Variants in CACNA2D1 observed in about 807,000 individuals in gnomAD.
CACNA2D1 encodes the protein voltage-dependent calcium channel subunit alpha-2/delta-1.
CACNA2D1 carries 53 observed loss-of-function variants against 171.5 expected under a neutral mutation model. The ratio of observed to expected loss-of-function variants is 0.31; its 90% CI spans 0.25 to 0.39. The LOEUF (loss-of-function observed/expected upper bound fraction) is 0.39. Ranked by LOEUF, CACNA2D1 falls within the 10% of genes least tolerant of loss-of-function variation. The probability of loss-of-function intolerance (pLI) is 1.00; values close to 1 mark genes in which losing one functional copy is unlikely to be tolerated. For missense variants in CACNA2D1, 903 were observed against 1,299.8 expected (o/e 0.69, Z 4.69); for synonymous variants, 442 against 443.1 (o/e 1.00, Z 0.03).
At chr7:82,096,621 A>G (rs1057045957) in intron 6 of CACNA2D1, among the ~76,000 whole-genome samples, 16 of 123,810 alleles carry the variant, frequency 1.3e-4, no homozygotes, top group African/African-American at 4.4e-4. Flanking sequence ...AAATACCTAG[A>G]TATCAACATG....
rs747929181 is a variant in CACNA2D1, at chr7:81,991,166, A to G, written c.1796+19T>C. ...TAATCCATTGGAATACACAATACACATAAAATACAGTTAATTACCTGTAAT... is the reference window on the plus strand; with the variant it reads ...TAATCCATTGGAATACACAATACACGTAAAATACAGTTAATTACCTGTAAT... On this transcript the variant is annotated intron_variant, in intron 21 of 38. Transcript: ENST00000356860. 7 of 1,228,976 alleles carry G rather than the reference A, an allele frequency of 5.7e-6. No individual in the cohort carries two copies. Among genetic ancestry groups the G allele is most frequent in the Non-Finnish European group, 7.2e-6 (6 of 828,794 alleles). The allele number at this position is 1,228,976 out of a possible 1,614,324, so 76.1% of individuals were successfully genotyped here. A position where few individuals can be genotyped will look rare whatever the true frequency, so the allele number is the denominator to read the frequency against.
intron 12 of CACNA2D1, among the ~76,000 whole-genome samples, chr7:82,025,972 G>A (rs37149): frequency 0.021 from 3,149 of 150,324 alleles, 99 homozygotes; most frequent in African/African-American, 0.07. Flanking sequence ...CTGATGTTGG[G>A]TGCATACATC....
At chr7:82,328,217 G>A (rs2129443067) in intron 3 of CACNA2D1, among the ~76,000 whole-genome samples, 1 of 152,196 alleles carries the variant, frequency 6.6e-6, no homozygotes, top group Admixed American at 6.5e-5. Context: ...AGACTCAAAG[G>A]CCTGGATAAT....
chr7:81,990,991 T>A (rs183602668), intron 21 of CACNA2D1, among the ~76,000 whole-genome samples, 194 bp downstream of exon 21: 1 of 152,124 alleles, frequency 6.6e-6, no homozygotes. Context: ...TTATATCACA[T>A]AGGTTTTCAT....
rs548458326 is a variant in CACNA2D1 at position 82,255,681 on chromosome 7, A to T, written c.294+79454T>A. Among the ~76,000 whole-genome samples the T allele has an allele frequency of 1.5e-3, 227 of 152,364 alleles. 1 individual carries two copies. Among genetic ancestry groups the T allele is most frequent in the African/African-American group, 4.8e-3 (200 of 41,596 alleles). Reference sequence around the variant, plus strand: ...GACATAAGAATTAATGGGAACAATCAGAATATACTGATACATCCAGGAACC... The same window carrying T: ...GACATAAGAATTAATGGGAACAATCTGAATATACTGATACATCCAGGAACC... On this transcript the variant is annotated intron_variant, in intron 3 of 38. Coordinates refer to ENST00000356860, the MANE Select transcript of CACNA2D1 (RefSeq NM_000722.4).
intron 1 of CACNA2D1, among the ~76,000 whole-genome samples, chr7:82,371,563 C>A (rs1245015159): frequency 2.6e-5 from 4 of 152,000 alleles, no homozygotes; most frequent in Non-Finnish European, 4.4e-5. Context: ...ATCTACAGCC[C>A]TAATTTTATT....
rs779875104 is a variant in CACNA2D1 at position 82,013,544 on chromosome 7, G to A, written c.1223-34C>T. ...TACATATATGTTTTTATACATAAAT[G>A]TTACTTTATAATAAAGGGCCACAAA... On this transcript the variant is annotated intron_variant, in intron 13 of 38. Coordinates refer to ENST00000356860, the MANE Select transcript of CACNA2D1 (RefSeq NM_000722.4). 1.7e-5 allele frequency: 13 copies of A among 770,732 alleles called. No individual in the cohort carries two copies. The Admixed American group carries it at 2.9e-4, about 17-fold the overall frequency. 47.7% of individuals were successfully genotyped at this position (770,732 alleles called of 1,614,324 possible).
intron 6 of CACNA2D1, among the ~76,000 whole-genome samples, chr7:82,097,547 G>T (rs1348025467): frequency 6.6e-6 from 1 of 152,076 alleles, no homozygotes; most frequent in African/African-American, 2.4e-5. Flanking sequence ...GGTTCTTAGT[G>T]TTATTAACAA....
intron 3 of CACNA2D1, among the ~76,000 whole-genome samples, chr7:82,315,692 T>C (rs760206779): frequency 1.1e-4 from 16 of 152,288 alleles, no homozygotes; most frequent in Non-Finnish European, 1.9e-4. Context: ...ATTAAAAATG[T>C]CATCCTCTAC....
chr7:81,971,598 T>A (rs1214926637), intron 26 of CACNA2D1, among the ~76,000 whole-genome samples, 179 bp downstream of exon 26: 1 of 151,706 alleles, frequency 6.6e-6, no homozygotes, highest in Non-Finnish European at 1.5e-5. Context: ...CAGACATTAG[T>A]ACTGAAAAAC....
rs1050161272 is a variant in CACNA2D1 at position 82,290,305 on chromosome 7, A to G, written c.294+44830T>C. Among the ~76,000 whole-genome samples, 4 of 152,094 alleles carry G rather than the reference A, an allele frequency of 2.6e-5. No homozygotes were observed. In the East Asian group the frequency reaches 5.8e-4, roughly 22 times the overall value. ...GGAGGAGGAGGCATTAATTGTTGTT[A>G]TTTTAATTTTAGGTTATGGCAAAAA... On this transcript the variant is annotated intron_variant, in intron 3 of 38. Transcript: ENST00000356860.
chr7:82,175,868 G>T (rs1293314659), intron 3 of CACNA2D1, among the ~76,000 whole-genome samples: 1 of 151,888 alleles, frequency 6.6e-6, no homozygotes, highest in East Asian at 1.9e-4. Flanking sequence ...TGAACCCGTA[G>T]AATAGGCTAT....
chr7:82,339,864 C>T (rs1331491916), intron 2 of CACNA2D1, among the ~76,000 whole-genome samples: 1 of 152,080 alleles, frequency 6.6e-6, no homozygotes, highest in Admixed American at 6.6e-5. Context: ...ATTAAGTTTG[C>T]AGATGGAATT....
chr7:82,259,810 T>C (rs1806842165), intron 3 of CACNA2D1, among the ~76,000 whole-genome samples: 1 of 152,238 alleles, frequency 6.6e-6, no homozygotes, highest in African/African-American at 2.4e-5. Context: ...CACTTATTAG[T>C]TATTTTATAA....
chr7:82,313,353 TA>T (rs1182074713), intron 3 of CACNA2D1, among the ~76,000 whole-genome samples: 1 of 152,186 alleles, frequency 6.6e-6, no homozygotes, highest in East Asian at 1.9e-4. Flanking sequence ...ACAATAGCCC[TA>T]AAAAGCTGCC....
At chr7:82,272,337 T>A (rs1808746052) in intron 3 of CACNA2D1, among the ~76,000 whole-genome samples, 1 of 152,186 alleles carries the variant, frequency 6.6e-6, no homozygotes, top group African/African-American at 2.4e-5. Context: ...TTCAACACCC[T>A]CTAATATGCC....
chr7:82,317,106 A>G (rs1274154676), intron 3 of CACNA2D1, among the ~76,000 whole-genome samples: 1 of 152,246 alleles, frequency 6.6e-6, no homozygotes, highest in African/African-American at 2.4e-5. Context: ...TTACCGAATG[A>G]GTAAACATTA....
At chr7:82,337,956 GACC>G in intron 2 of CACNA2D1, among the ~76,000 whole-genome samples, 1 of 152,184 alleles carries the variant, frequency 6.6e-6, no homozygotes, top group East Asian at 1.9e-4. Context: ...AACATTCAAA[GACC>G]AAGTTTCTCT....
chr7:82,079,199 T>C (rs1371219605), intron 7 of CACNA2D1, among the ~76,000 whole-genome samples: 7 of 152,212 alleles, frequency 4.6e-5, no homozygotes, highest in Admixed American at 4.6e-4. Context: ...CCCCTACATC[T>C]GGGCAATATG....
Sources: allele counts gnomAD v4.1 joint callset (sites outside exome capture counted in the v4.1 genomes callset), GRCh38; gene constraint gnomAD v4.1.1; transcripts MANE v1.5; gene names NCBI Gene and HGNC (gene_info 2026-07-23, HGNC 2026-07-21).